KIAA0232: variants seen among roughly 807,000 people sequenced by gnomAD.
The protein encoded by KIAA0232 is uncharacterized protein KIAA0232.
In KIAA0232, 27 loss-of-function variants were observed where a neutral mutation model predicts 122.0. The observed-to-expected ratio is 0.22, with a 90% CI of 0.16 to 0.31. The LOEUF (loss-of-function observed/expected upper bound fraction) is 0.31. KIAA0232 is among the 10% of genes least tolerant of loss of function. KIAA0232 has a pLI of 1.00. For synonymous variants in KIAA0232, 613 were observed against 587.6 expected (o/e 1.04, Z -0.63); for missense variants, 1,551 against 1,634.2 (o/e 0.95, Z 0.88).
intron 2 of KIAA0232, among the ~76,000 whole-genome samples, chr4:6,812,198 C>G (rs1717910230): frequency 6.6e-6 from 1 of 152,092 alleles, no homozygotes; most frequent in Non-Finnish European, 1.5e-5. Flanking sequence ...TTATTAAGCT[C>G]AACATAGTCA....
At chr4:6,816,290 T>G (rs1458064350) in intron 2 of KIAA0232, among the ~76,000 whole-genome samples, 1 of 150,350 alleles carries the variant, frequency 6.7e-6, no homozygotes, top group South Asian at 2.1e-4. Flanking sequence ...TTTTTTTTGT[T>G]TTTTTTTTTT....
rs140233124 is a variant in KIAA0232, at chr4:6,834,346, TA to T, written c.232-7719del. 5.7e-3 allele frequency among the ~76,000 whole-genome samples: 872 copies of T among 152,334 alleles called. 27 individuals carry two copies. In the East Asian group the frequency reaches 0.06, roughly 11 times the overall value. On this transcript the variant is annotated intron_variant, in intron 3 of 9. Transcript: ENST00000307659. ...TGCCAGGCATCATTTTATGTACTGA[TA>T]ATATAGTTAGAGGAATACTAGACAC...
intron 1 of KIAA0232, among the ~76,000 whole-genome samples, chr4:6,783,716 G>C (rs1716475325): frequency 6.6e-6 from 1 of 151,010 alleles, no homozygotes; most frequent in South Asian, 2.1e-4. Context: ...CCTGGCGGGC[G>C]GGGCCGGTGC....
intron 2 of KIAA0232, among the ~76,000 whole-genome samples, chr4:6,823,107 C>T (rs1409814666): frequency 6.6e-6 from 1 of 151,700 alleles, no homozygotes; most frequent in African/African-American, 2.4e-5. Context: ...AGGACATGAA[C>T]TCATCATTTT....
intron 4 of KIAA0232, among the ~76,000 whole-genome samples, chr4:6,848,148 C>G (rs1046702455): frequency 6.6e-6 from 1 of 152,206 alleles, no homozygotes; most frequent in African/African-American, 2.4e-5. Context: ...AGAGTAGAGT[C>G]TTAACATTCA....
chr4:6,812,378 G>C, intron 2 of KIAA0232, among the ~76,000 whole-genome samples: 1 of 152,130 alleles, frequency 6.6e-6, no homozygotes, highest in South Asian at 2.1e-4. Flanking sequence ...GTGACTAGTG[G>C]CTACCATATT....
intron 3 of KIAA0232, among the ~76,000 whole-genome samples, chr4:6,829,061 A>G (rs1223790069): frequency 6.6e-6 from 1 of 151,924 alleles, no homozygotes; most frequent in East Asian, 1.9e-4. Context: ...ATCTGTAATA[A>G]TTCCTTGTTT....
intron 2 of KIAA0232, among the ~76,000 whole-genome samples, chr4:6,810,839 A>G (rs1339455419): frequency 1.3e-5 from 2 of 152,226 alleles, no homozygotes; most frequent in East Asian, 3.8e-4. Context: ...AAAGCTCAGC[A>G]TCACCAGTCA....
At chr4:6,819,457 C>A (rs1256924086) in intron 2 of KIAA0232, among the ~76,000 whole-genome samples, 1 of 152,044 alleles carries the variant, frequency 6.6e-6, no homozygotes, top group Non-Finnish European at 1.5e-5. Context: ...CATGAACAGA[C>A]AATTTTCAAA....
chr4:6,873,801 G>A (rs1721616837), intron 8 of KIAA0232, among the ~76,000 whole-genome samples: 2 of 152,170 alleles, frequency 1.3e-5, no homozygotes, highest in Non-Finnish European at 2.9e-5. Context: ...AGCTCACACT[G>A]TGAGTTAAGT....
At chr4:6,837,362 C>G (rs956332071) in intron 3 of KIAA0232, among the ~76,000 whole-genome samples, 2 of 147,948 alleles carry the variant, frequency 1.4e-5, no homozygotes, top group Admixed American at 6.7e-5. Flanking sequence ...GATGGGCGGC[C>G]GGGCAGAGAG....
At chr4:6,785,120 G>T (rs1233042758) in intron 1 of KIAA0232, among the ~76,000 whole-genome samples, 1 of 151,986 alleles carries the variant, frequency 6.6e-6, no homozygotes, top group Non-Finnish European at 1.5e-5. Context: ...TGCATTTTTA[G>T]TAGAGATGGG....
intron 1 of KIAA0232, among the ~76,000 whole-genome samples, chr4:6,800,632 G>A (rs1406194042): frequency 2.0e-5 from 3 of 151,432 alleles, no homozygotes; most frequent in Non-Finnish European, 4.4e-5. Context: ...GGTGAGACGA[G>A]ATCATGCCAC....
chr4:6,782,782 C>T lies in KIAA0232; in HGVS notation c.-413C>T, dbSNP rs1052680651. The T allele has an allele frequency of 3.4e-5, 5 of 149,150 alleles. No homozygotes were observed. Among genetic ancestry groups the T allele is most frequent in the African/African-American group, 4.9e-5 (2 of 41,084 alleles). The allele number at this position is 149,150 out of a possible 1,614,324, so 9.2% of individuals were successfully genotyped here. A position where few individuals can be genotyped will look rare whatever the true frequency, so the allele number is the denominator to read the frequency against. On this transcript the variant is annotated 5_prime_UTR_variant, in exon 1 of 10. Transcript: ENST00000307659. Reference sequence around the variant, plus strand: ...CGGCGCTCGGCAGCCGCCCGCAGCCCCTCGGAGCCAGAGGAGAGGCGCCCC... The same window carrying T: ...CGGCGCTCGGCAGCCGCCCGCAGCCTCTCGGAGCCAGAGGAGAGGCGCCCC...
At chr4:6,823,479 T>G (rs1560174978) in intron 2 of KIAA0232, among the ~76,000 whole-genome samples, 1 of 152,208 alleles carries the variant, frequency 6.6e-6, no homozygotes, top group East Asian at 1.9e-4. Flanking sequence ...AGCCTGGCTG[T>G]AAAACAGATT....
chr4:6,880,639 G>A (rs943917059), intron 9 of KIAA0232, 148 bp from the exon 10 acceptor site: 15 of 504,088 alleles, frequency 3.0e-5, no homozygotes, highest in Non-Finnish European at 4.5e-5. Context: ...AGGCGGTTTT[G>A]CTCTGAAACA....
In KIAA0232 at chr4:6,861,770, G is replaced by T. The variant is rs761025258; in HGVS notation, c.1388G>T (p.Gly463Val). 1 of 1,614,108 alleles carries T rather than the reference G, an allele frequency of 6.2e-7. No individual in the cohort carries two copies. The highest frequency in any genetic ancestry group is 8.5e-7 in the Non-Finnish European group (1 of 1,180,030). Reference sequence around the variant, plus strand: ...CTTCATAAAACATACCTCGCAGCAGGTACTTTCATTGATGGTCATTTTGTA... The same window carrying T: ...CTTCATAAAACATACCTCGCAGCAGTTACTTTCATTGATGGTCATTTTGTA... ...NNLHKTYLAA[G>V]TFIDGHFVEM... The change falls in exon 7 of 10, where the codon GGT becomes GTT. Residue 463 changes from glycine (G) to valine (V), a missense_variant. By Grantham distance (109) the Gly-to-Val change is moderately radical. Transcript: ENST00000307659.
At chr4:6,826,604 A>C (rs1174450048) in intron 3 of KIAA0232, among the ~76,000 whole-genome samples, 2 of 151,130 alleles carry the variant, frequency 1.3e-5, no homozygotes, top group Non-Finnish European at 2.9e-5. Context: ...TCCTGGGCTC[A>C]AGCGATCTTC....
At chr4:6,844,917 A>G (rs528584925) in intron 4 of KIAA0232, among the ~76,000 whole-genome samples, 1 of 152,374 alleles carries the variant, frequency 6.6e-6, no homozygotes, top group South Asian at 2.1e-4. Context: ...ACTGAAGCCA[A>G]GTGCTAAAAG....
Sources: allele counts gnomAD v4.1 joint callset (sites outside exome capture counted in the v4.1 genomes callset), GRCh38; gene constraint gnomAD v4.1.1; transcripts MANE v1.5; gene names NCBI Gene and HGNC (gene_info 2026-07-23, HGNC 2026-07-21).